The following CHD2 variants were observed in gnomAD, a reference collection of about 807,000 sequenced individuals.
CHD2 encodes ATP-dependent chromatin remodeler CHD2.
Under a neutral mutation model 243.9 loss-of-function variants are expected in CHD2, and 28 were observed. That is an observed-to-expected ratio of 0.11 (90% confidence interval 0.09 to 0.16). CHD2 has a LOEUF of 0.16. CHD2 is among the 10% of genes least tolerant of loss of function. The pLI, the probability that CHD2 is intolerant of heterozygous loss-of-function variation, is 1.00. For synonymous variants in CHD2, 775 were observed against 779.0 expected (o/e 0.99, Z 0.09); for missense variants, 1,386 against 2,209.8 (o/e 0.63, Z 7.47).
intron 26 of CHD2, among the ~76,000 whole-genome samples, chr15:92,988,899 T>C (rs2054079498): frequency 6.6e-6 from 1 of 152,092 alleles, no homozygotes; most frequent in South Asian, 2.1e-4. Flanking sequence ...GGCAGACTTT[T>C]TTTAACTCTT....
chr15:92,935,311 C>T (rs1270579649), intron 5 of CHD2, among the ~76,000 whole-genome samples: 1 of 152,222 alleles, frequency 6.6e-6, no homozygotes, highest in African/African-American at 2.4e-5. Flanking sequence ...GCTGGGATTA[C>T]AGGCGTGAGC....
chr15:92,967,853 C>G (rs1037818696), intron 17 of CHD2, among the ~76,000 whole-genome samples: 1 of 151,954 alleles, frequency 6.6e-6, no homozygotes. Context: ...TTTAATAATT[C>G]CTTAACAGTT....
intron 2 of CHD2, chr15:92,914,871 CAT>C (rs2052805251): frequency 6.6e-6 from 1 of 152,146 alleles, no homozygotes; most frequent in African/African-American, 2.4e-5. Context: ...AGGAAAACAA[CAT>C]AGTACAAAAA....
intron 24 of CHD2, among the ~76,000 whole-genome samples, chr15:92,982,311 G>A (rs1369896889): frequency 1.3e-5 from 2 of 152,196 alleles, no homozygotes; most frequent in African/African-American, 2.4e-5. Flanking sequence ...AGTAAGTGAG[G>A]TGTTTGCTTG....
intron 27 of CHD2, 121 bp downstream of exon 27, chr15:92,991,638 A>T: frequency 1.6e-6 from 1 of 633,744 alleles, no homozygotes; most frequent in South Asian, 2.3e-5. Flanking sequence ...TTCTGGAAAC[A>T]TTTATTTACA....
chr15:92,914,350 G>C (rs2052795420), intron 2 of CHD2, among the ~76,000 whole-genome samples: 1 of 152,246 alleles, frequency 6.6e-6, no homozygotes, highest in African/African-American at 2.4e-5. Flanking sequence ...CACATTGCCA[G>C]ATCCTGATTA....
At chr15:93,018,889 T>C (rs1056865337) in intron 37 of CHD2, among the ~76,000 whole-genome samples, 4 of 152,210 alleles carry the variant, frequency 2.6e-5, no homozygotes, top group African/African-American at 9.6e-5. Flanking sequence ...TTTAACTTAA[T>C]TACATCTGCA....
At chr15:93,007,716 A>T (rs2054338993) in intron 34 of CHD2, among the ~76,000 whole-genome samples, 1 of 120,604 alleles carries the variant, frequency 8.3e-6, no homozygotes, top group Admixed American at 9.8e-5. Context: ...CTAAGTTCCC[A>T]GTTTTACCTT....
intron 7 of CHD2, 105 bp downstream of exon 7, chr15:92,939,823 A>C (rs1596392704): frequency 1.7e-6 from 2 of 1,204,504 alleles, no homozygotes. Flanking sequence ...GATAAAAATA[A>C]CAGCCTATGT....
intron 5 of CHD2, among the ~76,000 whole-genome samples, chr15:92,929,412 A>C (rs915646729): frequency 6.6e-6 from 1 of 152,164 alleles, no homozygotes; most frequent in African/African-American, 2.4e-5. Flanking sequence ...TAACAAGTAC[A>C]CAGGTATTTG....
At chr15:93,019,801 G>A (rs1209101245) in intron 37 of CHD2, among the ~76,000 whole-genome samples, 1 of 152,112 alleles carries the variant, frequency 6.6e-6, no homozygotes, top group African/African-American at 2.4e-5. Context: ...AGGCATGGTG[G>A]CGGGTGCCTG....
At chr15:92,924,621 A>G in intron 3 of CHD2, 69 bp downstream of exon 3, 6 of 1,324,156 alleles carry the variant, frequency 4.5e-6, no homozygotes, top group Middle Eastern at 1.8e-4. Flanking sequence ...TTTGTTGTTC[A>G]TGAAAACTCA....
rs1399607304 is a variant in CHD2 at position 92,967,343 on chromosome 15, T to C, written c.2019T>C (p.Asp673=). The C allele has an allele frequency of 1.9e-6, 3 of 1,609,532 alleles. No homozygotes were observed. In the African/African-American group the frequency reaches 4.0e-5, roughly 22 times the overall value. Residue 673 remains aspartate (D), a synonymous_variant, in exon 17 of 39, where the codon GAT becomes GAC. Transcript: ENST00000394196. The part of the protein sequence containing the change: ...IMPEKFEFWE[D]FEEDHGKGRE... ...TCCCTAGGTTTGAATTTTGGGAAGATTTTGAAGAAGACCATGGGAAGGGGA... is the reference window on the plus strand; with the variant it reads ...TCCCTAGGTTTGAATTTTGGGAAGACTTTGAAGAAGACCATGGGAAGGGGA...
chr15:92,952,887 A>G (rs1232876871), intron 13 of CHD2, among the ~76,000 whole-genome samples: 2 of 152,198 alleles, frequency 1.3e-5, no homozygotes, highest in Non-Finnish European at 2.9e-5. Flanking sequence ...CCATGCACCT[A>G]TACATGTAGG....
chr15:93,025,065 G>A lies in CHD2; in HGVS notation c.*360G>A, dbSNP rs16947342. The A allele has an allele frequency of 0.026, 6,139 of 233,138 alleles. 376 individuals carry two copies. The highest frequency in any genetic ancestry group is 0.13 in the African/African-American group (5,644 of 43,340). 14.4% of individuals were successfully genotyped at this position (233,138 alleles called of 1,614,324 possible). A position where few individuals can be genotyped will look rare whatever the true frequency, so the allele number is the denominator to read the frequency against. On this transcript the variant is annotated 3_prime_UTR_variant, in exon 39 of 39. Transcript: ENST00000394196. ...CATGAATGTTTTCTTGCCAGGGTCA[G>A]TGTTCCCAGGACCTTAGTGCATGGT...
intron 34 of CHD2, 70 bp from the exon 35 acceptor site, chr15:93,009,075 C>T: frequency 6.6e-7 from 1 of 1,523,870 alleles, no homozygotes; most frequent in East Asian, 2.3e-5. Flanking sequence ...TCATCGAGAG[C>T]ACAGTAAGCA....
chr15:92,976,523 C>T (rs778953006), intron 20 of CHD2, among the ~76,000 whole-genome samples: 1 of 151,446 alleles, frequency 6.6e-6, no homozygotes, highest in African/African-American at 2.4e-5. Context: ...CAAAATTATA[C>T]TTTGAGGCTA....
At chr15:93,019,177 G>C (rs1442274090) in intron 37 of CHD2, among the ~76,000 whole-genome samples, 1 of 152,126 alleles carries the variant, frequency 6.6e-6, no homozygotes, top group East Asian at 1.9e-4. Flanking sequence ...TGCAGAATAG[G>C]GAAGAATAAT....
intron 2 of CHD2, among the ~76,000 whole-genome samples, chr15:92,907,480 C>G (rs1555435748): frequency 6.6e-6 from 1 of 152,166 alleles, no homozygotes; most frequent in African/African-American, 2.4e-5. Flanking sequence ...TGATTTTATA[C>G]TTTGGATTTA....
Sources: allele counts gnomAD v4.1 joint callset (sites outside exome capture counted in the v4.1 genomes callset), GRCh38; gene constraint gnomAD v4.1.1; transcripts MANE v1.5; gene names NCBI Gene and HGNC (gene_info 2026-07-23, HGNC 2026-07-21).